Variants in NTN1 observed in about 807,000 individuals in gnomAD.
NTN1 encodes the protein netrin 1.
In NTN1, 11 loss-of-function variants were observed where a neutral mutation model predicts 54.2. The ratio of observed to expected loss-of-function variants is 0.20; its 90% CI spans 0.13 to 0.34. The LOEUF (loss-of-function observed/expected upper bound fraction) is 0.34. Among genes scored for constraint, NTN1 ranks in the 10% least tolerant of loss-of-function variants. The probability of loss-of-function intolerance (pLI) is 1.00; values close to 1 mark genes in which losing one functional copy is unlikely to be tolerated. For synonymous variants in NTN1, 371 were observed against 382.0 expected (o/e 0.97, Z 0.33); for missense variants, 740 against 893.1 (o/e 0.83, Z 2.18).
chr17:9,030,616 G>A (rs946713837), intron 2 of NTN1, among the ~76,000 whole-genome samples: 3 of 151,972 alleles, frequency 2.0e-5, no homozygotes, highest in African/African-American at 4.8e-5. Context: ...GTGGTGGCAC[G>A]TGCCTGTAAT....
chr17:9,193,930 A>C (rs2069353420), intron 5 of NTN1, among the ~76,000 whole-genome samples: 1 of 138,622 alleles, frequency 7.2e-6, no homozygotes, highest in African/African-American at 2.7e-5. Context: ...TAAAAAAAAA[A>C]AAAAAAAAAA....
chr17:9,013,847 A>T, the NTN1 span, among the ~76,000 whole-genome samples: 1 of 152,116 alleles, frequency 6.6e-6, no homozygotes, highest in East Asian at 1.9e-4. Context: ...CCTGTCTTCC[A>T]TCCATGACAA....
chr17:9,111,612 C>T (rs924072625), intron 2 of NTN1, among the ~76,000 whole-genome samples: 9 of 152,070 alleles, frequency 5.9e-5, no homozygotes, highest in African/African-American at 2.2e-4. Flanking sequence ...ATTTTTGACT[C>T]CCCCAAAACG....
intron 2 of NTN1, among the ~76,000 whole-genome samples, chr17:9,116,645 A>G (rs1297449390): frequency 2.0e-5 from 3 of 152,176 alleles, no homozygotes; most frequent in African/African-American, 4.8e-5. Context: ...ACTGCCATCC[A>G]TCACGTTCTC....
chr17:9,104,226 G>A (rs2092158988), intron 2 of NTN1, among the ~76,000 whole-genome samples: 1 of 152,060 alleles, frequency 6.6e-6, no homozygotes. Flanking sequence ...GGGAGTTAGT[G>A]TTTAATGGGT....
intron 2 of NTN1, among the ~76,000 whole-genome samples, chr17:9,132,830 C>T (rs1359767718): frequency 6.6e-6 from 1 of 152,092 alleles, no homozygotes; most frequent in Non-Finnish European, 1.5e-5. Context: ...GCCCAGATTG[C>T]ACCATTGCAC....
At chr17:9,131,446 G>C (rs1006884233) in intron 2 of NTN1, among the ~76,000 whole-genome samples, 1 of 152,192 alleles carries the variant, frequency 6.6e-6, no homozygotes, top group South Asian at 2.1e-4. Flanking sequence ...ATGAATGAAT[G>C]AATGAATGAA....
intron 2 of NTN1, among the ~76,000 whole-genome samples, chr17:9,066,103 G>A (rs1398246407): frequency 6.6e-6 from 1 of 152,140 alleles, no homozygotes; most frequent in Non-Finnish European, 1.5e-5. Context: ...TTATTGTCCG[G>A]TCAAGAAGAT....
chr17:9,061,954 C>T (rs8082598), intron 2 of NTN1, among the ~76,000 whole-genome samples: 1,864 of 152,220 alleles, frequency 0.012, 33 homozygotes, highest in African/African-American at 0.042. Context: ...GCGCCTGCCT[C>T]GGTCTCCCAA....
At chr17:9,162,785 T>G in intron 2 of NTN1, 28 bp from the exon 3 acceptor site, 1 of 1,586,988 alleles carries the variant, frequency 6.3e-7, no homozygotes. Context: ...CCCCTGCGGC[T>G]GACACCTCTC....
the NTN1 span, among the ~76,000 whole-genome samples, chr17:9,007,727 TCTTGCTTG>T: frequency 6.6e-6 from 1 of 151,082 alleles, no homozygotes; most frequent in Non-Finnish European, 1.5e-5. Context: ...TTTCTTTCTT[TCTTGCTTG>T]CTTGCTTGCT....
At chr17:9,132,769 G>A (rs950635485) in intron 2 of NTN1, among the ~76,000 whole-genome samples, 1 of 152,172 alleles carries the variant, frequency 6.6e-6, no homozygotes, top group Non-Finnish European at 1.5e-5. Flanking sequence ...AGTTACTCAG[G>A]AGGCTGAGGC....
At chr17:9,216,570 T>C (rs1597543052) in intron 5 of NTN1, among the ~76,000 whole-genome samples, 1 of 152,266 alleles carries the variant, frequency 6.6e-6, no homozygotes, top group Non-Finnish European at 1.5e-5. Flanking sequence ...CATGTACTGG[T>C]GCAATGGCTG....
In NTN1 at chr17:9,211,672, A is replaced by G. The variant is rs1170694843; in HGVS notation, c.1412-9496A>G. Among the ~76,000 whole-genome samples the G allele has an allele frequency of 1.3e-5, 2 of 152,106 alleles. No individual in the cohort carries two copies. The highest frequency in any genetic ancestry group is 3.9e-4 in the East Asian group (2 of 5,184). ...CACGCTCGGGAAAGTTCATATTTTA[A>G]TCTGTGCCCCAGCCATATCGTGTGA... On this transcript the variant is annotated intron_variant, in intron 5 of 6. Transcript: ENST00000173229. This position sits in a 1 kb window ranked among gnomAD's most constrained non-coding sequence, Gnocchi z 4.4.
At chr17:9,018,156 C>G (rs2091835566), upstream of NTN1, among the ~76,000 whole-genome samples, 1 of 152,058 alleles carries the variant, frequency 6.6e-6, no homozygotes, top group Non-Finnish European at 1.5e-5. Flanking sequence ...TAAGACAGTC[C>G]TGCTCACCAG....
At chr17:9,163,473 CCG>C (rs1385814832) in intron 3 of NTN1, among the ~76,000 whole-genome samples, 1 of 104,446 alleles carries the variant, frequency 9.6e-6, no homozygotes, top group Non-Finnish European at 1.9e-5. Context: ...TCACTCCCCC[CCG>C]AAACACACAC....
intron 2 of NTN1, among the ~76,000 whole-genome samples, chr17:9,067,372 A>G (rs1247321490): frequency 1.3e-5 from 2 of 152,140 alleles, no homozygotes; most frequent in African/African-American, 4.8e-5. Flanking sequence ...AAGCAGGGGT[A>G]TGTGTTCTGG....
intron 2 of NTN1, among the ~76,000 whole-genome samples, chr17:9,071,497 A>C (rs1355458785): frequency 6.6e-6 from 1 of 152,216 alleles, no homozygotes; most frequent in Non-Finnish European, 1.5e-5. Flanking sequence ...ATTAAAAAAA[A>C]AAACCATAAA....
chr17:9,025,625 T>A (rs778185694), intron 2 of NTN1, among the ~76,000 whole-genome samples: 24 of 152,232 alleles, frequency 1.6e-4, no homozygotes, highest in Non-Finnish European at 3.1e-4. Context: ...TTTGAATAGA[T>A]GTTCTGATAC....
Sources: allele counts gnomAD v4.1 joint callset (sites outside exome capture counted in the v4.1 genomes callset), GRCh38; gene constraint gnomAD v4.1.1; non-coding constraint Gnocchi (gnomAD v3.1); transcripts MANE v1.5; gene names NCBI Gene and HGNC (gene_info 2026-07-23, HGNC 2026-07-21).